The following APPBP2 variants were observed in gnomAD, a reference collection of about 807,000 sequenced individuals.
APPBP2 encodes the protein amyloid beta precursor protein binding protein 2.
APPBP2 carries 15 observed loss-of-function variants against 76.0 expected under a neutral mutation model. The ratio of observed to expected loss-of-function variants is 0.20; its 90% CI spans 0.13 to 0.30. APPBP2 has a LOEUF of 0.30. Among genes scored for constraint, APPBP2 ranks in the 10% least tolerant of loss-of-function variants. The probability of loss-of-function intolerance (pLI) is 1.00; values close to 1 mark genes in which losing one functional copy is unlikely to be tolerated. For missense variants in APPBP2, 401 were observed against 687.2 expected, an observed-to-expected ratio of 0.58 and a Z score of 4.66; for synonymous variants, 222 against 242.2, an observed-to-expected ratio of 0.92 and a Z score of 0.77.
chr17:60,461,839 T>C lies in APPBP2; in HGVS notation c.907A>G (p.Asn303Asp). Residue 303 changes from asparagine to aspartate, a missense_variant, in exon 8 of 13, where the codon AAT becomes GAT. Transcript: ENST00000083182. ...TAAATTGCAACAGACTGACAGATAT[T>C]ATCTACATTGAGTAAGTAGAACCCA... is the stretch of plus-strand genomic sequence containing the variant. ...DYGFYLLNVDNICQSVAIYQA... is the reference protein window; with the variant it reads ...DYGFYLLNVDDICQSVAIYQA... The C allele has an allele frequency of 6.2e-7, 1 of 1,610,948 alleles. No individual in the cohort carries two copies. Among genetic ancestry groups the C allele is most frequent in the Non-Finnish European group, 8.5e-7 (1 of 1,178,722 alleles).
intron 1 of APPBP2, among the ~76,000 whole-genome samples, chr17:60,514,540 C>T (rs2143491140): frequency 6.6e-6 from 1 of 152,314 alleles, no homozygotes. Context: ...GTTCTGGCAT[C>T]TCTAGTATAC....
chr17:60,524,145 T>A (rs1238755351), intron 1 of APPBP2, among the ~76,000 whole-genome samples: 4 of 152,258 alleles, frequency 2.6e-5, no homozygotes, highest in Non-Finnish European at 4.4e-5. Context: ...CATCTATTCA[T>A]ACTAATAATC....
chr17:60,512,832 T>TAAAAAAAAAAAA (rs770075935), intron 1 of APPBP2, among the ~76,000 whole-genome samples: 29 of 29,916 alleles, frequency 9.7e-4, no homozygotes, highest in African/African-American at 3.3e-3. Context: ...AGACTCCATC[T>TAAAAAAAAAAAA]AAAAAAAAAA....
chr17:60,494,699 T>C, intron 2 of APPBP2, 82 bp from the exon 3 acceptor site: 1 of 1,199,252 alleles, frequency 8.3e-7, no homozygotes, highest in Non-Finnish European at 1.1e-6. Context: ...CTCTTTTAAA[T>C]AATAGCACCA....
intron 9 of APPBP2, among the ~76,000 whole-genome samples, chr17:60,458,799 G>A (rs1323408015): frequency 1.4e-5 from 2 of 147,466 alleles, no homozygotes; most frequent in African/African-American, 2.5e-5. Flanking sequence ...TTTTTGAGAC[G>A]GAGTCTCGTT....
At chr17:60,454,770 T>C (rs1364241990) in intron 10 of APPBP2, among the ~76,000 whole-genome samples, 6 of 152,208 alleles carry the variant, frequency 3.9e-5, no homozygotes, top group African/African-American at 1.4e-4. Flanking sequence ...CTGCTATACT[T>C]TGCTGATGTG....
chr17:60,500,740 T>C (rs1046789456), intron 1 of APPBP2, among the ~76,000 whole-genome samples: 32 of 152,202 alleles, frequency 2.1e-4, no homozygotes, highest in East Asian at 1.3e-3. Flanking sequence ...TGTATAATTA[T>C]GTATTCATTA....
At chr17:60,459,145 T>C (rs537468697) in intron 9 of APPBP2, among the ~76,000 whole-genome samples, 1 of 152,106 alleles carries the variant, frequency 6.6e-6, no homozygotes, top group Non-Finnish European at 1.5e-5. Context: ...AGAGGAAATA[T>C]TTCCTTATGT....
intron 2 of APPBP2, among the ~76,000 whole-genome samples, chr17:60,495,016 ACT>A (rs1314538204): frequency 7.3e-6 from 1 of 136,638 alleles, no homozygotes; most frequent in Non-Finnish European, 1.6e-5. Flanking sequence ...ATGGAGTCTC[ACT>A]CTGTTATCCA....
intron 3 of APPBP2, among the ~76,000 whole-genome samples, chr17:60,488,336 T>A (rs900314764): frequency 1.3e-5 from 2 of 152,168 alleles, no homozygotes; most frequent in African/African-American, 4.8e-5. Flanking sequence ...TCAAAAAATA[T>A]TATTTATATT....
At chr17:60,515,893 G>A (rs1017648272) in intron 1 of APPBP2, among the ~76,000 whole-genome samples, 6 of 152,168 alleles carry the variant, frequency 3.9e-5, no homozygotes, top group Non-Finnish European at 5.9e-5. Flanking sequence ...AGCTGGGTGC[G>A]GTGGCTCACG....
rs1003892300 is a variant in APPBP2, at chr17:60,443,685, C to A, written c.*3896G>T. The A allele has an allele frequency of 2.0e-5, 3 of 152,564 alleles. No individual in the cohort carries two copies. Among genetic ancestry groups the A allele is most frequent in the African/African-American group, 7.2e-5 (3 of 41,428 alleles). The allele number at this position is 152,564 out of a possible 1,614,324, so 9.5% of individuals were successfully genotyped here. A position where few individuals can be genotyped will look rare whatever the true frequency, so the allele number is the denominator to read the frequency against. ...TTTAGTGATCCAACACTTAACTGTGCACCACAAACCAAGTTTTCTAGATAT... is the reference window on the plus strand; with the variant it reads ...TTTAGTGATCCAACACTTAACTGTGAACCACAAACCAAGTTTTCTAGATAT... On this transcript the variant is annotated 3_prime_UTR_variant, in exon 13 of 13. Transcript: ENST00000083182.
At chr17:60,488,029 CT>C (rs1463817232) in intron 3 of APPBP2, among the ~76,000 whole-genome samples, 1 of 152,266 alleles carries the variant, frequency 6.6e-6, no homozygotes, top group Non-Finnish European at 1.5e-5. Flanking sequence ...CCAGCGAAAG[CT>C]GCAGAACAGC....
At chr17:60,462,258 G>A (rs1377981601) in intron 6 of APPBP2, 197 bp from the exon 7 acceptor site, 1 of 513,372 alleles carries the variant, frequency 1.9e-6, no homozygotes, top group East Asian at 3.1e-5. Context: ...TATAAGCTGG[G>A]AAAATTATAA....
chr17:60,497,405 G>T (rs1025024692), intron 2 of APPBP2, among the ~76,000 whole-genome samples: 5 of 152,140 alleles, frequency 3.3e-5, no homozygotes, highest in Non-Finnish European at 7.4e-5. Context: ...CAATAAAATA[G>T]AAAGAATGAA....
intron 1 of APPBP2, among the ~76,000 whole-genome samples, chr17:60,516,191 A>G (rs573846860): frequency 3.0e-4 from 45 of 151,860 alleles, no homozygotes; most frequent in African/African-American, 1.1e-3. Context: ...AAAAACAAAC[A>G]AAAAAAACCA....
chr17:60,514,251 A>G (rs576336872), intron 1 of APPBP2, among the ~76,000 whole-genome samples: 1 of 152,220 alleles, frequency 6.6e-6, no homozygotes, highest in Non-Finnish European at 1.5e-5. Flanking sequence ...TGGTGATTGC[A>G]CCACTGCATT....
At chr17:60,477,874 T>C (rs965591580) in intron 4 of APPBP2, among the ~76,000 whole-genome samples, 6 of 151,478 alleles carry the variant, frequency 4.0e-5, no homozygotes, top group African/African-American at 1.2e-4. Flanking sequence ...GGTGTAGAGG[T>C]TCATGCCTGT....
intron 4 of APPBP2, among the ~76,000 whole-genome samples, chr17:60,470,593 T>G (rs1485707809): frequency 6.6e-6 from 1 of 151,900 alleles, no homozygotes; most frequent in African/African-American, 2.4e-5. Flanking sequence ...TTAATTAAAT[T>G]TTTAACAGAG....
Sources: allele counts gnomAD v4.1 joint callset (sites outside exome capture counted in the v4.1 genomes callset), GRCh38; gene constraint gnomAD v4.1.1; transcripts MANE v1.5; gene names NCBI Gene and HGNC (gene_info 2026-07-23, HGNC 2026-07-21).